The following VEZF1 variants were observed in gnomAD, a reference collection of about 807,000 sequenced individuals.
VEZF1 encodes the protein vascular endothelial zinc finger 1.
In VEZF1, 5 loss-of-function variants were observed where a neutral mutation model predicts 44.1. The ratio of observed to expected loss-of-function variants is 0.11; its 90% CI spans 0.06 to 0.24. The LOEUF (loss-of-function observed/expected upper bound fraction) is 0.24. Among genes scored for constraint, VEZF1 ranks in the 10% least tolerant of loss-of-function variants. The pLI, the probability that VEZF1 is intolerant of heterozygous loss-of-function variation, is 1.00. For synonymous variants in VEZF1, 236 were observed against 233.1 expected, an observed-to-expected ratio of 1.01 and a Z score of -0.11; for missense variants, 358 against 641.8, an observed-to-expected ratio of 0.56 and a Z score of 4.78.
chr17:57,978,962 T>C (rs926400105), intron 5 of VEZF1, among the ~76,000 whole-genome samples, 190 bp downstream of exon 5: 7 of 152,238 alleles, frequency 4.6e-5, no homozygotes, highest in Non-Finnish European at 7.3e-5. Context: ...TTTTAATTCC[T>C]AGTAATAACT....
Position 57,979,330 on chromosome 17 carries a change from C to G in VEZF1, c.977-17G>C, listed in dbSNP as rs200382637. The G allele has an allele frequency of 1.9e-6, 3 of 1,612,510 alleles. No homozygotes were observed. Among genetic ancestry groups the G allele is most frequent in the Non-Finnish European group, 2.5e-6 (3 of 1,179,370 alleles). On this transcript the variant is annotated splice_polypyrimidine_tract_variant and intron_variant, in intron 4 of 5. Coordinates refer to ENST00000581208, the MANE Select transcript of VEZF1 (RefSeq NM_007146.3). ...TCATGCATGCTATTACAAAGACAAACCAAAAACACTGTATCTACCTGTAAA... is the reference window on the plus strand; with the variant it reads ...TCATGCATGCTATTACAAAGACAAAGCAAAAACACTGTATCTACCTGTAAA...
At chr17:57,977,360 C>T (rs539957960) in intron 5 of VEZF1, among the ~76,000 whole-genome samples, 1 of 152,226 alleles carries the variant, frequency 6.6e-6, no homozygotes, top group African/African-American at 2.4e-5. Context: ...CTCCTGGCCT[C>T]AAGTGATCCT....
intron 1 of VEZF1, among the ~76,000 whole-genome samples, chr17:57,987,459 C>T (rs888625473): frequency 6.6e-6 from 1 of 152,178 alleles, no homozygotes; most frequent in East Asian, 1.9e-4. Flanking sequence ...GCCCCCCCAA[C>T]TGGGTAAACA....
chr17:57,979,726 G>A (rs202076480), intron 4 of VEZF1, among the ~76,000 whole-genome samples: 23 of 152,038 alleles, frequency 1.5e-4, no homozygotes, highest in Non-Finnish European at 2.8e-4. Context: ...TTGGGAGGCC[G>A]AGGCAGGTGG....
intron 3 of VEZF1, 84 bp downstream of exon 3, chr17:57,981,789 A>G: frequency 7.5e-7 from 1 of 1,341,362 alleles, no homozygotes; most frequent in Non-Finnish European, 1.1e-6. Context: ...AGACTATTCA[A>G]GAATGGTGAG....
chr17:57,984,882 GAAAT>G (rs2075281338), intron 1 of VEZF1, among the ~76,000 whole-genome samples: 2 of 152,186 alleles, frequency 1.3e-5, no homozygotes, highest in South Asian at 4.1e-4. Context: ...AGCATTCTCA[GAAAT>G]TATGTGGTTA....
Position 57,972,053 on chromosome 17 carries a change from G to C in VEZF1, c.*2420C>G, listed in dbSNP as rs2075141775. The C allele has an allele frequency of 6.6e-6, 1 of 152,480 alleles. No individual in the cohort carries two copies. Among genetic ancestry groups the C allele is most frequent in the Non-Finnish European group, 1.5e-5 (1 of 68,030 alleles). 9.4% of individuals were successfully genotyped at this position (152,480 alleles called of 1,614,324 possible). ...GAAGACATGACGTGGCTTTATTATT[G>C]CAGACAAGCTTCTTAAGTGAATAAA... On this transcript the variant is annotated 3_prime_UTR_variant, in exon 6 of 6. Transcript: ENST00000581208.
At chr17:57,986,798 G>A (rs1043049424) in intron 1 of VEZF1, among the ~76,000 whole-genome samples, 1 of 152,154 alleles carries the variant, frequency 6.6e-6, no homozygotes, top group African/African-American at 2.4e-5. Context: ...TTCTGCATCC[G>A]TTCCTGTTAG....
chr17:57,986,134 G>T (rs1254416244), intron 1 of VEZF1: 1 of 152,072 alleles, frequency 6.6e-6, no homozygotes, highest in East Asian at 1.9e-4. Flanking sequence ...TGGAAAAAAA[G>T]ATTTTAATAG....
At position 57,974,863 on chromosome 17, in the gene VEZF1, C is replaced by G. The variant is rs768142992; in HGVS notation, c.1176G>C (p.Thr392=). 1.2e-6 allele frequency: 2 copies of G among 1,613,946 alleles called. No individual in the cohort carries two copies. The highest frequency in any genetic ancestry group is 4.5e-5 in the East Asian group (2 of 44,886). ...ANLCQTSTAA[T]TPVTLTTPFS... is the part of the protein sequence containing the mutation. The stretch of plus-strand genomic sequence containing the variant: ...ATGGAGTAGTGAGAGTCACAGGTGT[C>G]GTAGCAGCCGTGGAGGTTTGGCACA... The change falls in exon 6 of 6, where the codon ACG becomes ACC. Residue 392 remains threonine (T), a synonymous_variant. Transcript: ENST00000581208.
chr17:57,980,458 ACT>A, intron 4 of VEZF1, 143 bp downstream of exon 4: 1 of 714,932 alleles, frequency 1.4e-6, no homozygotes, highest in Non-Finnish European at 2.4e-6. Context: ...ACATTAATAT[ACT>A]CTGTCCATTG....
intron 1 of VEZF1, chr17:57,986,234 A>T (rs901827265): frequency 3.3e-5 from 5 of 152,190 alleles, no homozygotes; most frequent in African/African-American, 1.2e-4. Context: ...AATAATCTTT[A>T]AAAAAGTATT....
intron 2 of VEZF1, 55 bp downstream of exon 2, chr17:57,982,644 C>T (rs2075260250): frequency 2.0e-6 from 3 of 1,513,856 alleles, no homozygotes; most frequent in South Asian, 2.6e-5. Context: ...GGAGACAAAA[C>T]TGAAGTACAC....
chr17:57,983,383 G>T lies in VEZF1; in HGVS notation c.44C>A (p.Ala15Asp). The change falls in exon 2 of 6, where the codon GCT (alanine) becomes GAT (aspartate). Residue 15 changes from alanine (A) to aspartate (D), a missense_variant. Transcript: ENST00000581208. ...WTAFLFQAHE[A>D]SHHQQQAAQN... ...TGCTGCCTGCTGTTGGTGATGGGAA[G>T]CTTCATGGGCCTAAAACCAAACATT... 6.2e-7 allele frequency: 1 copy of T among 1,604,420 alleles called. No homozygotes were observed. The highest frequency in any genetic ancestry group is 8.5e-7 in the Non-Finnish European group (1 of 1,177,506).
intron 1 of VEZF1, chr17:57,985,353 T>C: frequency 1.6e-6 from 2 of 1,230,718 alleles, no homozygotes; most frequent in Non-Finnish European, 2.0e-6. Context: ...TCCCTGCTTC[T>C]TGGGTGAAAT....
At chr17:57,983,715 A>G (rs2075271721) in intron 1 of VEZF1, among the ~76,000 whole-genome samples, 1 of 152,208 alleles carries the variant, frequency 6.6e-6, no homozygotes, top group South Asian at 2.1e-4. Flanking sequence ...TCAGCGCTGA[A>G]ACCAAGTTTA....
rs1281838535 is a variant in VEZF1, at chr17:57,974,864, G to A, written c.1175C>T (p.Thr392Met). 14 of 1,614,012 alleles carry A rather than the reference G, an allele frequency of 8.7e-6. No individual in the cohort carries two copies. Among genetic ancestry groups the A allele is most frequent in the African/African-American group, 1.3e-5 (1 of 74,922 alleles). Residue 392 changes from threonine to methionine, a missense_variant, in exon 6 of 6, where the codon ACG becomes ATG. Physicochemically the swap from Thr to Met is moderately conservative, Grantham distance 81. Transcript: ENST00000581208. ...TGGAGTAGTGAGAGTCACAGGTGTC[G>A]TAGCAGCCGTGGAGGTTTGGCACAG... ...ANLCQTSTAA[T>M]TPVTLTTPFS...
chr17:57,979,989 A>C (rs1005018715), intron 4 of VEZF1, among the ~76,000 whole-genome samples: 20 of 151,636 alleles, frequency 1.3e-4, no homozygotes, highest in East Asian at 7.7e-4. Context: ...AAAAAAAAAA[A>C]AACAAAAAAA....
chr17:57,988,196 C>T lies in VEZF1; in HGVS notation c.-85G>A. The stretch of plus-strand genomic sequence containing the variant: ...GGAGGAGGCGACAACAAAGCGGCGG[C>T]GGCGGCGGCGGCAACGGCAGCGGCG... On this transcript the variant is annotated 5_prime_UTR_variant, in exon 1 of 6. Transcript: ENST00000581208. The T allele has an allele frequency of 6.8e-6, 2 of 293,740 alleles. No individual in the cohort carries two copies. The highest frequency in any genetic ancestry group is 1.2e-5 in the Non-Finnish European group (2 of 170,532). The allele number at this position is 293,740 out of a possible 1,614,324, so 18.2% of individuals were successfully genotyped here. A position where few individuals can be genotyped will look rare whatever the true frequency, so the allele number is the denominator to read the frequency against.
Sources: gnomAD v4.1 joint callset for allele counts (sites outside exome capture counted in the v4.1 genomes callset) on GRCh38, gnomAD v4.1.1 for gene constraint, MANE v1.5 for transcripts, NCBI Gene and HGNC (gene_info 2026-07-23, HGNC 2026-07-21) for gene names.